Variants in GRIK2 observed in about 807,000 individuals in gnomAD.
GRIK2 encodes the protein glutamate ionotropic receptor kainate type subunit 2.
Under a neutral mutation model 100.3 loss-of-function variants are expected in GRIK2, and 32 were observed. The ratio of observed to expected loss-of-function variants is 0.32; its 90% CI spans 0.24 to 0.43. GRIK2 has a LOEUF of 0.43. GRIK2 is among the 20% of genes least tolerant of loss of function. The pLI is 1.00. For missense variants in GRIK2, 843 were observed against 1,114.9 expected (o/e 0.76, Z 3.47); for synonymous variants, 417 against 389.4 (o/e 1.07, Z -0.83).
intron 4 of GRIK2, among the ~76,000 whole-genome samples, chr6:101,663,163 A>G (rs941737328): frequency 6.6e-6 from 1 of 152,160 alleles, no homozygotes; most frequent in Admixed American, 6.5e-5. Context: ...ATCATATTTG[A>G]TGTATTAAGT....
chr6:101,975,015 A>G (rs1426103313), intron 14 of GRIK2, among the ~76,000 whole-genome samples: 1 of 152,058 alleles, frequency 6.6e-6, no homozygotes, highest in Non-Finnish European at 1.5e-5. Context: ...GAAATATTCA[A>G]ACATGAAAAG....
intron 7 of GRIK2, among the ~76,000 whole-genome samples, chr6:101,711,777 A>T (rs951535974): frequency 6.6e-6 from 1 of 151,786 alleles, no homozygotes; most frequent in African/African-American, 2.4e-5. Flanking sequence ...ATAACTAAAA[A>T]CATGTAGTGG....
intron 10 of GRIK2, among the ~76,000 whole-genome samples, chr6:101,848,276 A>G (rs1265263956): frequency 6.6e-6 from 1 of 151,968 alleles, no homozygotes; most frequent in East Asian, 2.0e-4. Flanking sequence ...GTTTTTATTC[A>G]ATTCTAGAGT....
At chr6:101,724,578 T>A (rs2128367318) in intron 7 of GRIK2, among the ~76,000 whole-genome samples, 1 of 152,082 alleles carries the variant, frequency 6.6e-6, no homozygotes, top group Non-Finnish European at 1.5e-5. Context: ...ACACATTTTG[T>A]TTACTCCATC....
chr6:101,561,342 G>A (rs1777002192), intron 2 of GRIK2, among the ~76,000 whole-genome samples: 1 of 151,690 alleles, frequency 6.6e-6, no homozygotes. Context: ...TCTCATGGAG[G>A]CAGAGAATGT....
intron 7 of GRIK2, among the ~76,000 whole-genome samples, chr6:101,781,706 A>G (rs59398974): frequency 0.41 from 62,210 of 151,956 alleles, 15,018 homozygotes; most frequent in East Asian, 0.85. Flanking sequence ...TTTTAATAAT[A>G]TAGTTTCCTG....
At chr6:101,398,903 C>T in intron 1 of GRIK2, 82 bp from the exon 2 acceptor site, 1 of 423,688 alleles carries the variant, frequency 2.4e-6, no homozygotes. Context: ...CCTTTTGTGC[C>T]GGGCTGTGGC....
intron 2 of GRIK2, among the ~76,000 whole-genome samples, chr6:101,523,720 CTTTTTT>C (rs1163558120): frequency 1.3e-4 from 16 of 121,540 alleles, no homozygotes; most frequent in Non-Finnish European, 2.2e-4. Flanking sequence ...ACTCCTAAGT[CTTTTTT>C]TTTTTTTTTT....
chr6:101,898,219 G>T (rs1025448514), intron 12 of GRIK2, among the ~76,000 whole-genome samples: 3 of 151,624 alleles, frequency 2.0e-5, no homozygotes, highest in African/African-American at 4.8e-5. Context: ...TGCTGTTATT[G>T]TAACACTTTT....
At chr6:102,066,912 G>A (rs928432348) in intron 16 of GRIK2, among the ~76,000 whole-genome samples, 1 of 151,556 alleles carries the variant, frequency 6.6e-6, no homozygotes, top group Non-Finnish European at 1.5e-5. Flanking sequence ...AGGAAAATTA[G>A]GATATAGCCA....
chr6:101,629,523 C>T (rs1191692653), intron 4 of GRIK2, among the ~76,000 whole-genome samples: 2 of 152,080 alleles, frequency 1.3e-5, no homozygotes, highest in Non-Finnish European at 1.5e-5. Flanking sequence ...ATTTTTAATA[C>T]TATTTGCAAT....
chr6:101,642,795 T>G (rs576691459), intron 4 of GRIK2, among the ~76,000 whole-genome samples: 247 of 151,750 alleles, frequency 1.6e-3, no homozygotes, highest in African/African-American at 5.8e-3. Flanking sequence ...TCTGTTGAAC[T>G]TTTTGAGGAA....
At chr6:101,968,788 A>G (rs1299128225) in intron 14 of GRIK2, among the ~76,000 whole-genome samples, 1 of 152,000 alleles carries the variant, frequency 6.6e-6, no homozygotes, top group East Asian at 1.9e-4. Context: ...ATACACAAAA[A>G]TATTAATTAG....
At chr6:101,472,963 C>T (rs1350538836) in intron 2 of GRIK2, among the ~76,000 whole-genome samples, 2 of 151,554 alleles carry the variant, frequency 1.3e-5, no homozygotes, top group Non-Finnish European at 3.0e-5. Context: ...TCTATATGTT[C>T]ATGTCTTGTG....
chr6:101,835,511 C>T (rs1026960321), intron 10 of GRIK2, among the ~76,000 whole-genome samples: 28 of 143,204 alleles, frequency 2.0e-4, no homozygotes, highest in African/African-American at 6.4e-4. Context: ...CACTCTGTCG[C>T]CCAGGCAGGA....
chr6:101,702,464 T>G (rs1309424340), intron 7 of GRIK2, among the ~76,000 whole-genome samples: 2 of 151,994 alleles, frequency 1.3e-5, no homozygotes, highest in African/African-American at 4.8e-5. Flanking sequence ...CTTTGGAAAA[T>G]TATTTATAAT....
chr6:101,899,539 C>T (rs774574270), intron 12 of GRIK2, among the ~76,000 whole-genome samples: 4 of 151,906 alleles, frequency 2.6e-5, no homozygotes, highest in Non-Finnish European at 4.4e-5. Flanking sequence ...GATGATTTTT[C>T]TCTTTCCCCG....
intron 11 of GRIK2, among the ~76,000 whole-genome samples, chr6:101,886,951 G>A (rs6932234): frequency 5.4e-5 from 8 of 148,752 alleles, no homozygotes; most frequent in South Asian, 2.1e-4. Flanking sequence ...TCAGCCTCCC[G>A]AGTAGCTGGG....
intron 2 of GRIK2, among the ~76,000 whole-genome samples, chr6:101,489,449 C>CA (rs1772994460): frequency 6.8e-6 from 1 of 146,144 alleles, no homozygotes; most frequent in South Asian, 2.1e-4. Context: ...CGCCCGCCCA[C>CA]ACTGATTCAT....
Sources: gnomAD v4.1 joint callset for allele counts (sites outside exome capture counted in the v4.1 genomes callset) on GRCh38, gnomAD v4.1.1 for gene constraint, MANE v1.5 for transcripts, NCBI Gene and HGNC (gene_info 2026-07-23, HGNC 2026-07-21) for gene names.